The following C16orf89 variants were observed in gnomAD, a reference collection of about 807,000 sequenced individuals.
C16orf89 encodes chromosome 16 open reading frame 89.
Under a neutral mutation model 41.5 loss-of-function variants are expected in C16orf89, and 57 were observed. The ratio of observed to expected loss-of-function variants is 1.38; its 90% CI spans 1.11 to 1.71. The LOEUF (loss-of-function observed/expected upper bound fraction) is 1.71, where lower values mean the gene tolerates loss of function less well. C16orf89 is among the 40% of genes most tolerant of loss of function. C16orf89 has a pLI of 0.00. For synonymous variants in C16orf89, 223 were observed against 190.6 expected (o/e 1.17, Z -1.40); for missense variants, 575 against 445.9 (o/e 1.29, Z -2.61).
chr16:5,060,944 C>CT (rs1320256230), intron 2 of C16orf89, among the ~76,000 whole-genome samples: 1 of 91,576 alleles, frequency 1.1e-5, no homozygotes, highest in Admixed American at 1.1e-4. Context: ...CTATGATCAG[C>CT]CTTTTTTTTT....
At chr16:5,045,098 G>C (rs187742714) in intron 7 of C16orf89, among the ~76,000 whole-genome samples, 1 of 152,192 alleles carries the variant, frequency 6.6e-6, no homozygotes. Flanking sequence ...CCACCCCTGC[G>C]GGGGGATCTG....
At chr16:5,048,002 T>C (rs760155424) in intron 6 of C16orf89, 38 bp from the exon 7 acceptor site, 1 of 1,071,198 alleles carries the variant, frequency 9.3e-7, no homozygotes, top group Non-Finnish European at 1.4e-6. Flanking sequence ...TCAAGAGAGA[T>C]TTTTATTTTT....
chr16:5,049,629 G>A (rs907923641), intron 6 of C16orf89, among the ~76,000 whole-genome samples: 1 of 152,068 alleles, frequency 6.6e-6, no homozygotes, highest in Admixed American at 6.6e-5. Context: ...AAATTAAGAT[G>A]AACATTTAAA....
At chr16:5,057,236 C>G (rs1327580955) in intron 4 of C16orf89, among the ~76,000 whole-genome samples, 3 of 76,378 alleles carry the variant, frequency 3.9e-5, no homozygotes, top group Non-Finnish European at 7.9e-5. Flanking sequence ...GACTCCATCT[C>G]AAAAAAAAAA....
At chr16:5,063,892 C>T (rs1432960363) in intron 1 of C16orf89, among the ~76,000 whole-genome samples, 3 of 152,074 alleles carry the variant, frequency 2.0e-5, no homozygotes, top group Admixed American at 1.3e-4. Context: ...TTTGCGAGGC[C>T]GAGGCAGGTG....
intron 5 of C16orf89, chr16:5,055,627 C>T: frequency 6.9e-7 from 1 of 1,458,896 alleles, no homozygotes; most frequent in Middle Eastern, 1.8e-4. Flanking sequence ...AGCTAGCAGC[C>T]TCCCAAGCGC....
Position 5,060,285 on chromosome 16 carries a change from C to T in C16orf89, c.509+1G>A. The T allele has an allele frequency of 6.2e-7, 1 of 1,606,374 alleles. No individual in the cohort carries two copies. Among genetic ancestry groups the T allele is most frequent in the South Asian group, 1.1e-5 (1 of 90,168 alleles). ...GCAAATAGGGCAAGTGCAGGGCCCA[C>T]CCGGTTCCCAGCAGCTGCACCAGGC... On this transcript the variant is annotated splice_donor_variant, in intron 3 of 7. Transcript: ENST00000472572. LOFTEE classifies it high-confidence loss of function.
chr16:5,060,118 C>G (rs1005937163), intron 3 of C16orf89, 168 bp downstream of exon 3: 12 of 770,244 alleles, frequency 1.6e-5, no homozygotes, highest in Admixed American at 3.3e-5. Flanking sequence ...CAAGGGGGAC[C>G]CTGCTGGAGT....
intron 6 of C16orf89, 36 bp from the exon 7 acceptor site, chr16:5,048,000 G>C (rs771505631): frequency 1.8e-6 from 2 of 1,122,942 alleles, no homozygotes; most frequent in Non-Finnish European, 1.3e-6. Flanking sequence ...TCTCAAGAGA[G>C]ATTTTTATTT....
intron 1 of C16orf89, among the ~76,000 whole-genome samples, chr16:5,064,034 G>C (rs796846717): frequency 1.3e-5 from 2 of 152,160 alleles, no homozygotes; most frequent in African/African-American, 4.8e-5. Flanking sequence ...GGCTGAGCAG[G>C]AGAATCGCTT....
At chr16:5,057,483 A>G (rs1458392827) in intron 4 of C16orf89, among the ~76,000 whole-genome samples, 2 of 149,362 alleles carry the variant, frequency 1.3e-5, no homozygotes, top group Non-Finnish European at 3.0e-5. Flanking sequence ...GTGTGTGTAT[A>G]TATATATATA....
At chr16:5,047,997 A>G (rs969294104) in intron 6 of C16orf89, 33 bp from the exon 7 acceptor site, 6 of 1,135,188 alleles carry the variant, frequency 5.3e-6, no homozygotes, top group Non-Finnish European at 7.9e-6. Flanking sequence ...ACTTCTCAAG[A>G]GAGATTTTTA....
At chr16:5,049,435 A>C (rs1956358664) in intron 6 of C16orf89, among the ~76,000 whole-genome samples, 1 of 152,240 alleles carries the variant, frequency 6.6e-6, no homozygotes, top group African/African-American at 2.4e-5. Context: ...CAGTCTCCAA[A>C]ATAGACCATA....
chr16:5,049,432 C>T (rs1001059303), intron 6 of C16orf89, among the ~76,000 whole-genome samples: 5 of 152,132 alleles, frequency 3.3e-5, no homozygotes, highest in Admixed American at 6.5e-5. Flanking sequence ...GAACAGTCTC[C>T]AAAATAGACC....
chr16:5,058,245 G>A (rs1024428081), intron 4 of C16orf89, among the ~76,000 whole-genome samples: 2 of 151,846 alleles, frequency 1.3e-5, no homozygotes, highest in African/African-American at 4.8e-5. Context: ...TCCTGCCTCA[G>A]CCTCCTCTTG....
chr16:5,061,484 CAAAAAAAA>C (rs757755365), intron 2 of C16orf89, among the ~76,000 whole-genome samples: 1 of 5,130 alleles, frequency 1.9e-4, no homozygotes, highest in East Asian at 6.6e-3. Flanking sequence ...GACACTGTCT[CAAAAAAAA>C]AAAAAAAAAA....
chr16:5,048,153 C>T (rs993112057), intron 6 of C16orf89, among the ~76,000 whole-genome samples, 189 bp from the exon 7 acceptor site: 5 of 152,106 alleles, frequency 3.3e-5, no homozygotes, highest in Admixed American at 3.3e-4. Context: ...CTCAGCCTAC[C>T]AAGTAGCTCG....
chr16:5,062,498 C>T lies in C16orf89; in HGVS notation c.285G>A (p.Leu95=). Residue 95 remains leucine (L), a synonymous_variant, in exon 2 of 8, where the codon CTG becomes CTA. Coordinates refer to ENST00000472572, the MANE Select transcript of C16orf89 (RefSeq NM_001098514.3). ...GGATGGCAGCCTCCAGCTTCTCCCC[C>T]AGCATCCCCACGCGCAGGCTCAGCG... ...LQPLSLRVGM[L]GEKLEAAIQR... 1 of 1,614,108 alleles carries T rather than the reference C, an allele frequency of 6.2e-7. No homozygotes were observed. The highest frequency in any genetic ancestry group is 8.5e-7 in the Non-Finnish European group (1 of 1,179,968).
In C16orf89 at chr16:5,044,131, G is replaced by T; in HGVS notation, c.*217C>A. The T allele has an allele frequency of 7.9e-7, 1 of 1,268,634 alleles. No homozygotes were observed. The highest frequency in any genetic ancestry group is 2.7e-5 in the South Asian group (1 of 37,212). The allele number at this position is 1,268,634 out of a possible 1,614,324, so 78.6% of individuals were successfully genotyped here. Reference sequence around the variant, plus strand: ...AAGACTCAACCCTGGGTCAGTTGCAGTTGAACTTTATTCATCCGTTCACAC... The same window carrying T: ...AAGACTCAACCCTGGGTCAGTTGCATTTGAACTTTATTCATCCGTTCACAC... On this transcript the variant is annotated 3_prime_UTR_variant, in exon 8 of 8. Transcript: ENST00000472572.
Sources: gnomAD v4.1 joint callset for allele counts (sites outside exome capture counted in the v4.1 genomes callset) on GRCh38, gnomAD v4.1.1 for gene constraint, MANE v1.5 for transcripts, NCBI Gene and HGNC (gene_info 2026-07-23, HGNC 2026-07-21) for gene names.